Variants in LRMDA observed in about 807,000 individuals in gnomAD.
LRMDA encodes leucine-rich melanocyte differentiation-associated protein.
LRMDA carries 18 observed loss-of-function variants against 29.8 expected under a neutral mutation model. The ratio of observed to expected loss-of-function variants is 0.60; its 90% confidence interval spans 0.42 to 0.90. LRMDA has a LOEUF of 0.90. Among genes scored for constraint, LRMDA ranks in the 40% least tolerant of loss-of-function variants. The pLI, the probability that LRMDA is intolerant of heterozygous loss-of-function variation, is 0.00. For synonymous variants in LRMDA, 125 were observed against 109.4 expected, an observed-to-expected ratio of 1.14 and a Z score of -0.89; for missense variants, 273 against 273.9, an observed-to-expected ratio of 1.00 and a Z score of 0.02.
chr10:75,438,772 T>C (rs1413316902), intron 2 of LRMDA, among the ~76,000 whole-genome samples: 3 of 152,208 alleles, frequency 2.0e-5, no homozygotes, highest in Admixed American at 6.5e-5. Context: ...ATTTTCACTG[T>C]GTTCTTTTCA....
intron 2 of LRMDA, among the ~76,000 whole-genome samples, chr10:75,765,044 T>C (rs1843145344): frequency 6.6e-6 from 1 of 151,656 alleles, no homozygotes; most frequent in South Asian, 2.1e-4. Flanking sequence ...AAGAAAAAAA[T>C]ATATGAGTGG....
chr10:76,363,120 A>G (rs912346676), intron 6 of LRMDA, among the ~76,000 whole-genome samples: 11 of 14,456 alleles, frequency 7.6e-4, no homozygotes, highest in African/African-American at 3.9e-3. Flanking sequence ...GAGTAAGGAA[A>G]GAAAGAAAGA....
intron 2 of LRMDA, among the ~76,000 whole-genome samples, chr10:76,001,135 G>T (rs1022574976): frequency 3.3e-5 from 5 of 152,172 alleles, no homozygotes; most frequent in African/African-American, 9.7e-5. Context: ...TCCTGCAGGA[G>T]CCTGAAATTC....
At chr10:75,833,944 C>G (rs928750456) in intron 2 of LRMDA, among the ~76,000 whole-genome samples, 1 of 152,242 alleles carries the variant, frequency 6.6e-6, no homozygotes, top group South Asian at 2.1e-4. Flanking sequence ...GGGAATAATT[C>G]TGTGTGGCTT....
chr10:76,558,322 A>C lies in LRMDA; in HGVS notation c.*1034A>C, dbSNP rs555558866. The C allele has an allele frequency of 1.3e-5, 2 of 152,308 alleles. No individual in the cohort carries two copies. The highest frequency in any genetic ancestry group is 4.8e-5 in the African/African-American group (2 of 41,574). The allele number at this position is 152,308 out of a possible 1,614,324, so 9.4% of individuals were successfully genotyped here. On this transcript the variant is annotated 3_prime_UTR_variant, in exon 7 of 7. Transcript: ENST00000611255. Reference sequence around the variant, plus strand: ...CACCAGACCAAAGAGTTTTTATAGAAGGCACAAACCTTTTGGATTTTGCAT... The same window carrying C: ...CACCAGACCAAAGAGTTTTTATAGACGGCACAAACCTTTTGGATTTTGCAT...
At chr10:76,411,673 C>T (rs1841962724) in intron 6 of LRMDA, among the ~76,000 whole-genome samples, 1 of 152,160 alleles carries the variant, frequency 6.6e-6, no homozygotes, top group Non-Finnish European at 1.5e-5. Flanking sequence ...GACGGCTGTT[C>T]TGCAGGAGTG....
chr10:75,626,247 A>C (rs1462779561), intron 2 of LRMDA, among the ~76,000 whole-genome samples: 1 of 152,128 alleles, frequency 6.6e-6, no homozygotes, highest in Admixed American at 6.6e-5. Flanking sequence ...GCGTGGTAAG[A>C]TAACCAATTG....
chr10:76,141,167 A>G (rs1446535340), intron 5 of LRMDA, among the ~76,000 whole-genome samples: 1 of 152,050 alleles, frequency 6.6e-6, no homozygotes, highest in Non-Finnish European at 1.5e-5. Flanking sequence ...TCAGAAGAGG[A>G]GGGAAAAATT....
chr10:76,415,714 T>C (rs1842007790), intron 6 of LRMDA, among the ~76,000 whole-genome samples: 1 of 152,214 alleles, frequency 6.6e-6, no homozygotes, highest in Non-Finnish European at 1.5e-5. Flanking sequence ...ATTCCTGACA[T>C]GGCTATGGGC....
At chr10:76,325,354 G>T (rs1840821053) in intron 6 of LRMDA, among the ~76,000 whole-genome samples, 1 of 152,190 alleles carries the variant, frequency 6.6e-6, no homozygotes, top group African/African-American at 2.4e-5. Flanking sequence ...GATGTCTGTG[G>T]CTTGGACCTG....
intron 6 of LRMDA, among the ~76,000 whole-genome samples, chr10:76,526,195 A>G (rs979972976): frequency 1.3e-5 from 2 of 152,186 alleles, no homozygotes; most frequent in Non-Finnish European, 2.9e-5. Context: ...CAGCAACAGA[A>G]ATCTAACAAA....
chr10:76,266,666 C>G (rs1302299682), intron 5 of LRMDA, among the ~76,000 whole-genome samples: 1 of 152,142 alleles, frequency 6.6e-6, no homozygotes, highest in Admixed American at 6.6e-5. Flanking sequence ...GTCTATGACA[C>G]TAGGCTATCC....
chr10:75,514,846 G>T lies in LRMDA; in HGVS notation c.131+76352G>T, dbSNP rs550817529. ...TCTTTATAAATTACCCACCTAACCT[G>T]AGTGTTCCTTTATAACAATACAAAC... On this transcript the variant is annotated intron_variant, in intron 2 of 6. Coordinates refer to ENST00000611255, the MANE Select transcript of LRMDA (RefSeq NM_001305581.2). Among the ~76,000 whole-genome samples, 273 of 151,956 alleles carry T rather than the reference G, an allele frequency of 1.8e-3. 1 individual carries two copies. Among genetic ancestry groups the T allele is most frequent in the African/African-American group, 6.1e-3 (254 of 41,442 alleles).
chr10:76,495,823 A>ACTACTGATGGGCACTTGGGT (rs1262948173), intron 6 of LRMDA, among the ~76,000 whole-genome samples: 2 of 80,304 alleles, frequency 2.5e-5, no homozygotes, highest in South Asian at 3.2e-4. Flanking sequence ...TTTTCAGTAT[A>ACTACTGATGGGCACTTGGGT]TAGAAAATGC....
In LRMDA at chr10:76,072,024, G is replaced by A. The variant is rs1013928530; in HGVS notation, c.516+13241G>A. Among the ~76,000 whole-genome samples, 11 of 152,242 alleles carry A rather than the reference G, an allele frequency of 7.2e-5. No individual in the cohort carries two copies. The South Asian group carries it at 1.9e-3, about 26-fold the overall frequency. On this transcript the variant is annotated intron_variant, in intron 5 of 6. Coordinates refer to ENST00000611255, the MANE Select transcript of LRMDA (RefSeq NM_001305581.2). ...GCTAACCAATAAGGGAGTCATACAC[G>A]CAATAAAACATAAACCTTAGAAAAT... is the stretch of plus-strand genomic sequence containing the variant.
At chr10:76,219,175 G>A (rs1309278696) in intron 5 of LRMDA, among the ~76,000 whole-genome samples, 1 of 152,158 alleles carries the variant, frequency 6.6e-6, no homozygotes, top group Non-Finnish European at 1.5e-5. Context: ...AAATTGTAAA[G>A]ACCATCGAGG....
At chr10:76,015,520 C>G (rs575123407) in intron 2 of LRMDA, among the ~76,000 whole-genome samples, 71 of 152,300 alleles carry the variant, frequency 4.7e-4, no homozygotes, top group African/African-American at 1.6e-3. Flanking sequence ...AGGAGAGGCC[C>G]AGAAAGACAG....
At chr10:76,158,379 T>C (rs1263829040) in intron 5 of LRMDA, among the ~76,000 whole-genome samples, 2 of 152,144 alleles carry the variant, frequency 1.3e-5, no homozygotes, top group African/African-American at 4.8e-5. Context: ...GTGTAGACTT[T>C]ACTGATGGTT....
At chr10:75,538,029 C>T (rs1839972991) in intron 2 of LRMDA, among the ~76,000 whole-genome samples, 2 of 152,156 alleles carry the variant, frequency 1.3e-5, no homozygotes, top group Admixed American at 1.3e-4. Flanking sequence ...GGGCTCATCA[C>T]ACCTGTTTGG....
Sources: allele counts gnomAD v4.1 joint callset (sites outside exome capture counted in the v4.1 genomes callset), GRCh38; gene constraint gnomAD v4.1.1; transcripts MANE v1.5; gene names NCBI Gene and HGNC (gene_info 2026-07-23, HGNC 2026-07-21).